Variants in VEPH1 observed in about 807,000 individuals in gnomAD.
VEPH1 encodes ventricular zone expressed PH domain containing 1.
VEPH1 carries 80 observed loss-of-function variants against 85.2 expected under a neutral mutation model. The ratio of observed to expected loss-of-function variants is 0.94; its 90% CI spans 0.78 to 1.13. The LOEUF is 1.13. Among genes scored for constraint, VEPH1 ranks in the 50% most tolerant of loss-of-function variants. The pLI is 0.00. For synonymous variants in VEPH1, 297 were observed against 348.0 expected (o/e 0.85, Z 1.63); for missense variants, 955 against 980.5 (o/e 0.97, Z 0.35).
chr3:157,389,678 GATAGATAGATAGA>G (rs1221304003), intron 6 of VEPH1, among the ~76,000 whole-genome samples: 10 of 150,256 alleles, frequency 6.7e-5, no homozygotes, highest in African/African-American at 2.5e-4. Flanking sequence ...TAGATAGATA[GATAGATAGATAGA>G]TAGAAATGCG....
At chr3:157,466,311 C>T (rs905514639) in intron 3 of VEPH1, among the ~76,000 whole-genome samples, 1 of 152,076 alleles carries the variant, frequency 6.6e-6, no homozygotes, top group Non-Finnish European at 1.5e-5. Context: ...TAGGTACTTC[C>T]ACATAGTGGC....
At chr3:157,445,241 G>A (rs552185655) in intron 4 of VEPH1, among the ~76,000 whole-genome samples, 15 of 152,290 alleles carry the variant, frequency 9.8e-5, no homozygotes, top group South Asian at 2.1e-4. Flanking sequence ...CTTCTTTTAC[G>A]TGAGAGAAAA....
rs556496507 is a variant in VEPH1 at position 157,495,371 on chromosome 3, T to C, written c.-22A>G. 3.1e-6 allele frequency: 5 copies of C among 1,612,554 alleles called. No homozygotes were observed. The highest frequency in any genetic ancestry group is 1.1e-5 in the South Asian group (1 of 90,698). On this transcript the variant is annotated 5_prime_UTR_variant, in exon 2 of 14. Transcript: ENST00000362010. ...GCATGGTGAGGATGAGTTTGATCAGTTGACTTTCTACAGACCCAGAGTCAT... is the reference window on the plus strand; with the variant it reads ...GCATGGTGAGGATGAGTTTGATCAGCTGACTTTCTACAGACCCAGAGTCAT...
chr3:157,483,500 T>C (rs986144202), intron 2 of VEPH1, among the ~76,000 whole-genome samples: 1 of 152,164 alleles, frequency 6.6e-6, no homozygotes, highest in African/African-American at 2.4e-5. Flanking sequence ...AAATTATATA[T>C]TCAAAATCAA....
intron 2 of VEPH1, among the ~76,000 whole-genome samples, chr3:157,492,325 T>C (rs956369730): frequency 3.9e-5 from 6 of 152,206 alleles, no homozygotes; most frequent in Non-Finnish European, 7.4e-5. Context: ...ATAATTTTCA[T>C]TGTAAATCAG....
chr3:157,436,852 T>A, intron 4 of VEPH1: 1 of 1,426,764 alleles, frequency 7.0e-7, no homozygotes, highest in East Asian at 2.7e-5. Context: ...AGCCTCTCAC[T>A]CTCACTCTCC....
At chr3:157,361,114 A>G (rs902896859) in intron 9 of VEPH1, among the ~76,000 whole-genome samples, 2 of 152,324 alleles carry the variant, frequency 1.3e-5, no homozygotes, top group Middle Eastern at 3.4e-3. Flanking sequence ...TACACAGATT[A>G]TTAGCAAAGT....
intron 7 of VEPH1, among the ~76,000 whole-genome samples, chr3:157,374,896 A>G (rs774086633): frequency 6.6e-6 from 1 of 152,226 alleles, no homozygotes; most frequent in Non-Finnish European, 1.5e-5. Context: ...TATCCATGAA[A>G]TACTGTGAAA....
chr3:157,279,507 A>G (rs1715809471), intron 12 of VEPH1, among the ~76,000 whole-genome samples: 1 of 152,068 alleles, frequency 6.6e-6, no homozygotes, highest in South Asian at 2.1e-4. Flanking sequence ...GGGAAGTGAG[A>G]GATAAGGCAG....
At position 157,287,858 on chromosome 3, in the gene VEPH1, C is replaced by G. The variant is rs186578563; in HGVS notation, c.2011-1184G>C. ...GGGATTGCAGGCATGAGCCACCGTG[C>G]ATGGCCTGCATTGGTTTTAATGGAA... On this transcript the variant is annotated intron_variant, in intron 11 of 13. Transcript: ENST00000362010. Among the ~76,000 whole-genome samples the G allele has an allele frequency of 1.8e-3, 268 of 152,322 alleles. 2 individuals carry two copies. Among genetic ancestry groups the G allele is most frequent in the East Asian group, 1.5e-3 (8 of 5,188 alleles).
At chr3:157,501,925 A>G (rs1740146668) in intron 1 of VEPH1, among the ~76,000 whole-genome samples, 1 of 152,256 alleles carries the variant, frequency 6.6e-6, no homozygotes, top group Non-Finnish European at 1.5e-5. Context: ...GAAACTTTCA[A>G]TAAAGTTCTC....
chr3:157,281,832 G>A (rs1379721758), intron 12 of VEPH1, among the ~76,000 whole-genome samples: 2 of 151,932 alleles, frequency 1.3e-5, no homozygotes, highest in East Asian at 1.9e-4. Context: ...CACTACGCCC[G>A]GCCAAAATTG....
intron 9 of VEPH1, among the ~76,000 whole-genome samples, chr3:157,340,237 G>A (rs141327500): frequency 7.5e-4 from 114 of 152,324 alleles, no homozygotes; most frequent in Admixed American, 4.6e-3. Flanking sequence ...CACCTCACCC[G>A]GGAAGTGCAA....
At chr3:157,414,576 C>T (rs1731754323) in intron 5 of VEPH1, among the ~76,000 whole-genome samples, 1 of 151,980 alleles carries the variant, frequency 6.6e-6, no homozygotes, top group Admixed American at 6.6e-5. Flanking sequence ...CTTCAATTTT[C>T]CATTTTGATC....
chr3:157,344,950 G>T (rs1467259998), intron 9 of VEPH1, among the ~76,000 whole-genome samples: 1 of 152,150 alleles, frequency 6.6e-6, no homozygotes, highest in Non-Finnish European at 1.5e-5. Flanking sequence ...TTAATAAATG[G>T]TGCTGGGAAA....
intron 9 of VEPH1, among the ~76,000 whole-genome samples, chr3:157,323,791 AT>A (rs1358756421): frequency 6.6e-6 from 1 of 152,172 alleles, no homozygotes; most frequent in Admixed American, 6.5e-5. Context: ...TTTGACCCTG[AT>A]TTTGAGGAAA....
chr3:157,488,507 C>CTGTT, intron 2 of VEPH1, among the ~76,000 whole-genome samples: 1 of 131,804 alleles, frequency 7.6e-6, no homozygotes, highest in South Asian at 2.4e-4. Flanking sequence ...TTCTTTCTTT[C>CTGTT]TTTTTTTTTT....
chr3:157,443,064 A>G (rs1024721813), intron 4 of VEPH1: 23 of 1,453,954 alleles, frequency 1.6e-5, no homozygotes, highest in South Asian at 1.3e-4. Flanking sequence ...AACTCAGTGC[A>G]TAATAGGAAC....
chr3:157,372,773 C>T (rs1727655786), intron 7 of VEPH1, among the ~76,000 whole-genome samples: 1 of 152,048 alleles, frequency 6.6e-6, no homozygotes. Flanking sequence ...CAAAAATAAA[C>T]TACTAGAGAA....
Sources: gnomAD v4.1 joint callset for allele counts (sites outside exome capture counted in the v4.1 genomes callset) on GRCh38, gnomAD v4.1.1 for gene constraint, MANE v1.5 for transcripts, NCBI Gene and HGNC (gene_info 2026-07-23, HGNC 2026-07-21) for gene names.